Variants in ANO3 observed in about 807,000 individuals in gnomAD.
ANO3 encodes the protein anoctamin-3.
Under a neutral mutation model 144.8 loss-of-function variants are expected in ANO3, and 99 were observed. The ratio of observed to expected loss-of-function variants is 0.68; its 90% confidence interval spans 0.58 to 0.81. The LOEUF is 0.81. ANO3 is among the 30% of genes least tolerant of loss of function. ANO3 has a pLI of 0.00. For missense variants in ANO3, 905 were observed against 1,202.2 expected, an observed-to-expected ratio of 0.75 and a Z score of 3.66; for synonymous variants, 414 against 392.6, an observed-to-expected ratio of 1.05 and a Z score of -0.64.
At chr11:26,196,575 T>G (rs1413956754) in intron 1 of ANO3, among the ~76,000 whole-genome samples, 1 of 152,154 alleles carries the variant, frequency 6.6e-6, no homozygotes, top group Non-Finnish European at 1.5e-5. Context: ...TACTACATAT[T>G]TTACAATTTC....
chr11:26,392,742 G>A (rs1298639455), intron 1 of ANO3, among the ~76,000 whole-genome samples: 1 of 152,076 alleles, frequency 6.6e-6, no homozygotes, highest in African/African-American at 2.4e-5. Flanking sequence ...ATGAAAGAGA[G>A]AGAATAACGG....
chr11:26,391,894 C>T (rs1590321451), intron 1 of ANO3, among the ~76,000 whole-genome samples: 1 of 152,034 alleles, frequency 6.6e-6, no homozygotes, highest in Non-Finnish European at 1.5e-5. Context: ...CATTTTATTC[C>T]ATCGTTAAAG....
At chr11:26,530,144 T>C (rs1019103744) in intron 7 of ANO3, among the ~76,000 whole-genome samples, 13 of 152,212 alleles carry the variant, frequency 8.5e-5, no homozygotes, top group South Asian at 8.3e-4. Flanking sequence ...TGTTCCACAT[T>C]GTTAATTACC....
intron 5 of ANO3, among the ~76,000 whole-genome samples, chr11:26,515,949 T>C (rs924235883): frequency 6.6e-6 from 1 of 151,978 alleles, no homozygotes; most frequent in African/African-American, 2.4e-5. Flanking sequence ...ATAACTGTGT[T>C]GGCTTTCTTT....
chr11:26,538,434 G>T (rs1056206994), intron 10 of ANO3, among the ~76,000 whole-genome samples: 1 of 152,140 alleles, frequency 6.6e-6, no homozygotes, highest in East Asian at 1.9e-4. Context: ...GTATTTTCCC[G>T]TTATTCTGAA....
intron 1 of ANO3, among the ~76,000 whole-genome samples, chr11:26,235,445 A>C (rs949218506): frequency 1.3e-5 from 2 of 152,180 alleles, no homozygotes; most frequent in Non-Finnish European, 2.9e-5. Flanking sequence ...GATTAAATCC[A>C]ACCTAATGGT....
chr11:26,534,262 A>C (rs1849447048), intron 8 of ANO3, among the ~76,000 whole-genome samples, 194 bp from the exon 9 acceptor site: 1 of 152,236 alleles, frequency 6.6e-6, no homozygotes, highest in African/African-American at 2.4e-5. Flanking sequence ...AACTGAAAGA[A>C]GATAACAAAG....
chr11:26,357,628 C>G (rs79192506), intron 1 of ANO3, among the ~76,000 whole-genome samples: 2,144 of 151,920 alleles, frequency 0.014, 45 homozygotes, highest in East Asian at 0.11. Context: ...ATCCTTTCTC[C>G]CAGTCTGTAG....
intron 18 of ANO3, among the ~76,000 whole-genome samples, chr11:26,632,637 A>G (rs1200574320): frequency 6.6e-6 from 1 of 150,848 alleles, no homozygotes; most frequent in Non-Finnish European, 1.5e-5. Context: ...ACACACACAC[A>G]CACAAACCAT....
intron 1 of ANO3, among the ~76,000 whole-genome samples, chr11:26,393,764 A>G (rs1303896881): frequency 6.6e-6 from 1 of 152,180 alleles, no homozygotes; most frequent in Non-Finnish European, 1.5e-5. Context: ...ATGTCACACA[A>G]TAATATACTT....
chr11:26,414,067 G>A (rs941326289), intron 1 of ANO3, among the ~76,000 whole-genome samples: 8 of 152,048 alleles, frequency 5.3e-5, no homozygotes, highest in East Asian at 1.9e-4. Flanking sequence ...TCAGAATTGC[G>A]ATTATTAAAA....
chr11:26,328,626 T>C (rs1854952093), upstream of ANO3, among the ~76,000 whole-genome samples: 2 of 152,134 alleles, frequency 1.3e-5, no homozygotes, highest in South Asian at 4.1e-4. Flanking sequence ...GGAGCAAATG[T>C]TAGCAGGGGG....
chr11:26,391,243 G>A (rs1445881713), intron 1 of ANO3, among the ~76,000 whole-genome samples: 1 of 152,026 alleles, frequency 6.6e-6, no homozygotes, highest in Non-Finnish European at 1.5e-5. Context: ...TGACGAAGGG[G>A]CTCACCAGAG....
At position 26,642,038 on chromosome 11, in the gene ANO3, A is replaced by T; in HGVS notation, c.2275+9A>T. 3.1e-6 allele frequency: 5 copies of T among 1,609,174 alleles called. No individual in the cohort carries two copies. The highest frequency in any genetic ancestry group is 4.2e-6 in the Non-Finnish European group (5 of 1,178,168). The stretch of plus-strand genomic sequence containing the variant: ...TGAGTACTTAGAAATGGGTAAGGAA[A>T]AAAAATCTGCAGGACTATTTGGCCT... On this transcript the variant is annotated intron_variant, in intron 22 of 26. Transcript: ENST00000256737.
intron 7 of ANO3, among the ~76,000 whole-genome samples, chr11:26,527,633 C>T (rs1849197487): frequency 6.6e-6 from 1 of 152,110 alleles, no homozygotes; most frequent in Admixed American, 6.6e-5. Flanking sequence ...AAGGTATTTT[C>T]CTCACATGCT....
At chr11:26,414,746 TTACAG>T (rs1229843938) in intron 1 of ANO3, among the ~76,000 whole-genome samples, 5 of 141,872 alleles carry the variant, frequency 3.5e-5, no homozygotes, top group East Asian at 2.0e-4. Flanking sequence ...ATACAGGAAC[TTACAG>T]TAAAGTTAAA....
intron 16 of ANO3, 134 bp from the exon 17 acceptor site, chr11:26,599,416 T>C: frequency 1.1e-6 from 1 of 944,250 alleles, no homozygotes; most frequent in South Asian, 2.0e-5. Flanking sequence ...AAGGAGAAAA[T>C]TAAATCTAGA....
At chr11:26,381,020 A>G (rs748356209) in intron 1 of ANO3, among the ~76,000 whole-genome samples, 4 of 151,948 alleles carry the variant, frequency 2.6e-5, no homozygotes, top group Non-Finnish European at 4.4e-5. Flanking sequence ...GAAAAACACA[A>G]TCTAAATTCT....
chr11:26,208,918 G>A (rs1236834171), intron 1 of ANO3, among the ~76,000 whole-genome samples: 1 of 152,168 alleles, frequency 6.6e-6, no homozygotes, highest in Admixed American at 6.5e-5. Context: ...GTAACTGTGT[G>A]GGAAATAGTC....
Sources: gnomAD v4.1 joint callset for allele counts (sites outside exome capture counted in the v4.1 genomes callset) on GRCh38, gnomAD v4.1.1 for gene constraint, MANE v1.5 for transcripts, NCBI Gene and HGNC (gene_info 2026-07-23, HGNC 2026-07-21) for gene names.